The following MTMR3 variants were observed in gnomAD, a reference collection of about 807,000 sequenced individuals.
MTMR3 encodes phosphatidylinositol-3,5-bisphosphate 3-phosphatase MTMR3.
Under a neutral mutation model 132.4 loss-of-function variants are expected in MTMR3, and 32 were observed. The ratio of observed to expected loss-of-function variants is 0.24; its 90% confidence interval spans 0.18 to 0.32. The LOEUF (loss-of-function observed/expected upper bound fraction) is 0.32, where lower values mean the gene tolerates loss of function less well. MTMR3 is among the 10% of genes least tolerant of loss of function. The probability of loss-of-function intolerance (pLI) is 1.00; values close to 1 mark genes in which losing one functional copy is unlikely to be tolerated. For missense variants in MTMR3, 1,216 were observed against 1,489.6 expected, an observed-to-expected ratio of 0.82 and a Z score of 3.02; for synonymous variants, 556 against 550.3, an observed-to-expected ratio of 1.01 and a Z score of -0.14.
At chr22:29,902,960 C>T (rs1230587231) in intron 1 of MTMR3, among the ~76,000 whole-genome samples, 2 of 152,138 alleles carry the variant, frequency 1.3e-5, no homozygotes, top group Admixed American at 6.5e-5. Context: ...TGGTGGCTCA[C>T]GCCTGGAATC....
chr22:30,023,662 G>A, intron 19 of MTMR3: 1 of 694,408 alleles, frequency 1.4e-6, no homozygotes, highest in Non-Finnish European at 2.5e-6. Flanking sequence ...CATCGAGGGT[G>A]GGTCAGGCTG....
intron 1 of MTMR3, among the ~76,000 whole-genome samples, chr22:29,910,023 G>C (rs947343311): frequency 3.3e-5 from 5 of 152,132 alleles, no homozygotes; most frequent in Middle Eastern, 3.2e-3. Context: ...CGGGCATGGT[G>C]GTGGGTGCCT....
In MTMR3 at chr22:30,012,471, G is replaced by C; in HGVS notation, c.1225G>C (p.Val409Leu). 6.2e-7 allele frequency: 1 copy of C among 1,614,130 alleles called. No individual in the cohort carries two copies. Among genetic ancestry groups the C allele is most frequent in the Non-Finnish European group, 8.5e-7 (1 of 1,180,026 alleles). ...TGCTGTGGATCAGGATCAGCGGCCG[G>C]TGCTAGTACACTGCTCAGATGGCTG... Reference protein sequence around the residue: ...VHAVDQDQRPVLVHCSDGWDR... With the variant: ...VHAVDQDQRPLLVHCSDGWDR... The change falls in exon 13 of 20, where the codon GTG (valine) becomes CTG (leucine). Residue 409 changes from valine (V) to leucine (L), a missense_variant. Val to Leu is a conservative substitution (Grantham distance 32, BLOSUM62 1). Around this residue, in one of 7 missense-constraint regions of MTMR3, gnomAD observed 106 missense variants for 209.5 expected, o/e 0.51. Transcript: ENST00000401950.
At chr22:29,884,146 T>C (rs2064615050) in intron 1 of MTMR3, among the ~76,000 whole-genome samples, 1 of 152,184 alleles carries the variant, frequency 6.6e-6, no homozygotes, top group Admixed American at 6.5e-5. Context: ...CTTGTGAGTT[T>C]TGGACATGGA....
chr22:29,944,118 C>T (rs1168675015), intron 1 of MTMR3, among the ~76,000 whole-genome samples: 1 of 152,006 alleles, frequency 6.6e-6, no homozygotes, highest in Non-Finnish European at 1.5e-5. Context: ...TGCATCCGGC[C>T]TCCGTGTGGA....
chr22:30,022,641 C>T lies in MTMR3; in HGVS notation c.3369C>T (p.Ala1123=). ...MTRWLPDHLA[A]HCYACDSAFW... The stretch of plus-strand genomic sequence containing the variant: ...GTTGGCTTCCTGACCACCTGGCCGC[C>T]CACTGCTATGCGTGCGACAGTGCCT... Residue 1123 remains alanine, a synonymous_variant, in exon 19 of 20, where the codon GCC becomes GCT. Transcript: ENST00000401950. 10 of 1,612,864 alleles carry T rather than the reference C, an allele frequency of 6.2e-6. No homozygotes were observed. The highest frequency in any genetic ancestry group is 8.5e-6 in the Non-Finnish European group (10 of 1,180,024).
At chr22:29,967,917 CTGTGTG>C (rs57853762) in intron 2 of MTMR3, among the ~76,000 whole-genome samples, 11,120 of 148,416 alleles carry the variant, frequency 0.075, 463 homozygotes, top group Non-Finnish European at 0.085. Flanking sequence ...ATTATATATA[CTGTGTG>C]TGTGTGTGTG....
At chr22:29,884,232 C>A (rs540936302) in intron 1 of MTMR3, among the ~76,000 whole-genome samples, 111 of 151,980 alleles carry the variant, frequency 7.3e-4, no homozygotes, top group Non-Finnish European at 1.0e-3. Context: ...TATCTTGATT[C>A]TGACATCTAT....
chr22:30,014,716 T>G (rs1365728006), intron 14 of MTMR3: 1 of 152,162 alleles, frequency 6.6e-6, no homozygotes, highest in Non-Finnish European at 1.5e-5. Context: ...AGTCTCGCTA[T>G]GTTGCCCAGG....
intron 1 of MTMR3, among the ~76,000 whole-genome samples, chr22:29,915,352 A>G (rs755036183): frequency 7.2e-5 from 11 of 152,170 alleles, no homozygotes; most frequent in African/African-American, 1.9e-4. Flanking sequence ...TATATTTGCA[A>G]TGCATTTCTT....
intron 1 of MTMR3, among the ~76,000 whole-genome samples, chr22:29,928,584 T>C (rs187586270): frequency 2.7e-4 from 41 of 152,334 alleles, no homozygotes; most frequent in African/African-American, 9.4e-4. Flanking sequence ...GCTGTACATT[T>C]ACTCTATATA....
At chr22:29,952,726 G>A (rs1370487519) in intron 1 of MTMR3, among the ~76,000 whole-genome samples, 1 of 152,124 alleles carries the variant, frequency 6.6e-6, no homozygotes, top group African/African-American at 2.4e-5. Flanking sequence ...CTCTCTGCTC[G>A]TCTGTTTTCA....
At chr22:29,970,795 A>G (rs2066517778) in intron 2 of MTMR3, among the ~76,000 whole-genome samples, 181 bp from the exon 3 acceptor site, 2 of 151,940 alleles carry the variant, frequency 1.3e-5, no homozygotes, top group Admixed American at 1.3e-4. Flanking sequence ...TTGGGATTTG[A>G]CTAGTGGGAA....
intron 1 of MTMR3, among the ~76,000 whole-genome samples, chr22:29,955,246 A>G (rs1437447142): frequency 6.6e-6 from 1 of 152,152 alleles, no homozygotes; most frequent in Admixed American, 6.5e-5. Flanking sequence ...CAGCCTCCCA[A>G]AGTGTTGGGA....
At chr22:29,937,830 C>A (rs1490689655) in intron 1 of MTMR3, among the ~76,000 whole-genome samples, 2 of 152,194 alleles carry the variant, frequency 1.3e-5, no homozygotes, top group Non-Finnish European at 2.9e-5. Context: ...AGCAAACTTT[C>A]ACAAGCCTGT....
Position 30,013,413 on chromosome 22 carries a change from C to G in MTMR3, c.1375C>G (p.Arg459Gly). 1 of 1,614,034 alleles carries G rather than the reference C, an allele frequency of 6.2e-7. No individual in the cohort carries two copies. ...WLDFGHKFAD[R>G]CGHGENSDDL... ...GGATTTTGGCCATAAATTTGCTGAC[C>G]GGTGTGGTCATGGGGAGAACTCGGA... is the stretch of plus-strand genomic sequence containing the variant. Residue 459 changes from arginine to glycine, a missense_variant, in exon 14 of 20, where the codon CGG (arginine) becomes GGG (glycine). Around this residue, in one of 7 missense-constraint regions of MTMR3, gnomAD observed 106 missense variants for 209.5 expected, o/e 0.51. Coordinates refer to ENST00000401950, the MANE Select transcript of MTMR3 (RefSeq NM_021090.4).
chr22:29,968,477 C>T (rs768466507), intron 2 of MTMR3, among the ~76,000 whole-genome samples: 5 of 152,038 alleles, frequency 3.3e-5, no homozygotes, highest in African/African-American at 4.8e-5. Context: ...AACAGTATCC[C>T]GTTCTTTTAA....
chr22:30,023,619 G>T, intron 19 of MTMR3: 17 of 1,074,254 alleles, frequency 1.6e-5, no homozygotes, highest in Non-Finnish European at 2.3e-5. Context: ...AGATAGGTGG[G>T]CTTGAGGGGA....
intron 6 of MTMR3, 160 bp from the exon 7 acceptor site, chr22:29,991,344 A>T: frequency 1.7e-6 from 1 of 578,328 alleles, no homozygotes; most frequent in Non-Finnish European, 2.8e-6. Flanking sequence ...TGTTTTTCTT[A>T]TAAGTGATAA....
Sources: allele counts gnomAD v4.1 joint callset (sites outside exome capture counted in the v4.1 genomes callset), GRCh38; gene constraint gnomAD v4.1.1; regional missense constraint gnomAD v4.1.1; transcripts MANE v1.5; gene names NCBI Gene and HGNC (gene_info 2026-07-23, HGNC 2026-07-21).